Variants in C16orf90 observed in about 807,000 individuals in gnomAD.
The protein encoded by C16orf90 is chromosome 16 open reading frame 90, also known as uncharacterized protein C16orf90.
Under a neutral mutation model 17.1 loss-of-function variants are expected in C16orf90, and 17 were observed. The observed-to-expected ratio is 1.00, with a 90% CI of 0.68 to 1.49. The LOEUF (loss-of-function observed/expected upper bound fraction) is 1.49, where lower values mean the gene tolerates loss of function less well. C16orf90 is among the 40% of genes most tolerant of loss of function. C16orf90 has a pLI of 0.00. For missense variants in C16orf90, 255 were observed against 235.5 expected, an observed-to-expected ratio of 1.08 and a Z score of -0.54; for synonymous variants, 108 against 95.8, an observed-to-expected ratio of 1.13 and a Z score of -0.75.
chr16:3,494,537 G>C lies in C16orf90; in HGVS notation c.387C>G (p.Ser129Arg), dbSNP rs767106319. The C allele has an allele frequency of 8.1e-6, 13 of 1,612,620 alleles. No homozygotes were observed. In the Admixed American group the frequency reaches 2.2e-4, roughly 27 times the overall value. The change falls in exon 2 of 3, where the codon AGC (serine) becomes AGG (arginine). Residue 129 changes from serine (S) to arginine (R), a missense_variant. By Grantham distance (110) the Ser-to-Arg change is moderately radical (BLOSUM62 -1). Coordinates refer to ENST00000437192, the MANE Select transcript of C16orf90 (RefSeq NM_001080524.2). ...ALLEARLPRD[S>R]LGSSASSSSM... ...GACAGAGCTCACCACTGCTTCCCAG[G>C]CTGTCCCTGGGCAATCGGGCTTCCA...
chr16:3,496,574 G>A (rs1166141889), upstream of C16orf90: 8 of 539,342 alleles, frequency 1.5e-5, no homozygotes, highest in Admixed American at 1.2e-4. Context: ...CCTGACTTTC[G>A]ATCAGCTGGC....
At position 3,493,627 on chromosome 16, in the gene C16orf90, C is replaced by T. The variant is rs992920769; in HGVS notation, c.*212G>A. The T allele has an allele frequency of 2.9e-5, 13 of 455,882 alleles. No homozygotes were observed. The highest frequency in any genetic ancestry group is 1.0e-4 in the East Asian group (3 of 30,140). The allele number at this position is 455,882 out of a possible 1,614,324, so 28.2% of individuals were successfully genotyped here. A position where few individuals can be genotyped will look rare whatever the true frequency, so the allele number is the denominator to read the frequency against. ...GGAGTCTAAGCAGGCTGCAAGGGCACGGCCATGCTTCTATTGCTTCTGCCC... is the reference window on the plus strand; with the variant it reads ...GGAGTCTAAGCAGGCTGCAAGGGCATGGCCATGCTTCTATTGCTTCTGCCC... On this transcript the variant is annotated 3_prime_UTR_variant, in exon 3 of 3. Transcript: ENST00000437192.
rs920549998 is a variant in C16orf90 at position 3,493,659 on chromosome 16, C to G, written c.*180G>C. The G allele has an allele frequency of 1.9e-6, 1 of 525,894 alleles. No individual in the cohort carries two copies. The highest frequency in any genetic ancestry group is 3.4e-6 in the Non-Finnish European group (1 of 296,626). The allele number at this position is 525,894 out of a possible 1,614,324, so 32.6% of individuals were successfully genotyped here. ...GCTTCTATTGCTTCTGCCCCTCCCT[C>G]GGAACCTCCTCCTCCTCCCTCTCCC... On this transcript the variant is annotated 3_prime_UTR_variant, in exon 3 of 3. Coordinates refer to ENST00000437192, the MANE Select transcript of C16orf90 (RefSeq NM_001080524.2).
chr16:3,495,008 C>T, intron 1 of C16orf90, 131 bp from the exon 2 acceptor site: 1 of 711,540 alleles, frequency 1.4e-6, no homozygotes. Context: ...CTCAGTTTAC[C>T]TGTGTGTCAA....
At chr16:3,495,318 C>A in intron 1 of C16orf90, 58 bp downstream of exon 1, 1 of 1,561,476 alleles carries the variant, frequency 6.4e-7, no homozygotes, top group East Asian at 2.4e-5. Flanking sequence ...CGGCTTTGGG[C>A]CCAGGTGGGG....
At chr16:3,494,099 G>A (rs2037268806) in intron 2 of C16orf90, 112 bp from the exon 3 acceptor site, 2 of 905,656 alleles carry the variant, frequency 2.2e-6, no homozygotes, top group African/African-American at 1.7e-5. Flanking sequence ...AAAACAGAAG[G>A]GAGGAGGGCA....
intron 2 of C16orf90, 35 bp from the exon 3 acceptor site, chr16:3,494,022 G>C: frequency 6.4e-7 from 1 of 1,574,660 alleles, no homozygotes; most frequent in Non-Finnish European, 8.7e-7. Flanking sequence ...TCACTTGAGG[G>C]ACCCAAGGGG....
chr16:3,496,408 G>C, upstream of C16orf90: 1 of 1,009,284 alleles, frequency 9.9e-7, no homozygotes, highest in Non-Finnish European at 1.5e-6. Flanking sequence ...GGATGATCCG[G>C]AAGATGAAGC....
intron 1 of C16orf90, 42 bp from the exon 2 acceptor site, chr16:3,494,919 A>ATG: frequency 7.2e-7 from 1 of 1,381,490 alleles, no homozygotes; most frequent in Non-Finnish European, 9.7e-7. Context: ...AGCCCCCCAC[A>ATG]GCAGCCATGA....
chr16:3,494,882 A>AGG lies in C16orf90; in HGVS notation c.47-6_47-5insCC, dbSNP rs532363136. The AGG allele has an allele frequency of 7.8e-4, 1,173 of 1,507,134 alleles. 9 individuals carry two copies. The African/African-American group carries it at 0.014, about 18-fold the overall frequency. The allele number at this position is 1,507,134 out of a possible 1,614,324, so 93.4% of individuals were successfully genotyped here. A position where few individuals can be genotyped will look rare whatever the true frequency, so the allele number is the denominator to read the frequency against. Reference sequence around the variant, plus strand: ...CTTGGGCCTGGCTCACTGCATCTGCAGAGGAGACAGCGGGAGGGTGGTGGC... The same window carrying AGG: ...CTTGGGCCTGGCTCACTGCATCTGCAGGGAGGAGACAGCGGGAGGGTGGTGGC... On this transcript the variant is annotated splice_polypyrimidine_tract_variant and splice_region_variant and intron_variant, in intron 1 of 2. Coordinates refer to ENST00000437192, the MANE Select transcript of C16orf90 (RefSeq NM_001080524.2).
At chr16:3,494,167 T>C (rs75765038) in intron 2 of C16orf90, among the ~76,000 whole-genome samples, 180 bp from the exon 3 acceptor site, 3,289 of 152,052 alleles carry the variant, frequency 0.022, 77 homozygotes, top group African/African-American at 0.052. Flanking sequence ...AACAGAATGG[T>C]TCAAGCTGGA....
At chr16:3,495,537 C>A (rs1356357199), upstream of C16orf90, 1 of 1,521,404 alleles carries the variant, frequency 6.6e-7, no homozygotes, top group African/African-American at 1.4e-5. Context: ...CTTATGACAT[C>A]ACGGGGAAGA....
At position 3,493,742 on chromosome 16, in the gene C16orf90, T is replaced by G; in HGVS notation, c.*97A>C. The G allele has an allele frequency of 3.9e-6, 5 of 1,272,954 alleles. No homozygotes were observed. Among genetic ancestry groups the G allele is most frequent in the Non-Finnish European group, 5.4e-6 (5 of 933,298 alleles). The allele number at this position is 1,272,954 out of a possible 1,614,324, so 78.9% of individuals were successfully genotyped here. A position where few individuals can be genotyped will look rare whatever the true frequency, so the allele number is the denominator to read the frequency against. On this transcript the variant is annotated 3_prime_UTR_variant, in exon 3 of 3. Transcript: ENST00000437192. The stretch of plus-strand genomic sequence containing the variant: ...CTGGGCCGCTGCCTGGGCCACCCCA[T>G]GTGGCAGGGCCACTGCCGGGGGCCG...
Position 3,493,899 on chromosome 16 carries a change from C to T in C16orf90, c.489G>A (p.Trp163Ter), listed in dbSNP as rs1161770583. The part of the protein sequence containing the change: ...RLRPKRSWGT[W>*]EEAMCPLCKR... ...TGCACAAGGGACACATGGCCTCTTC[C>T]CAGGTCCCCCAGGACCTCTTGGGCC... is the stretch of plus-strand genomic sequence containing the variant. The change falls in exon 3 of 3, where the codon TGG becomes TGA. Residue 163 changes from tryptophan (W) to a stop codon, truncating the protein, a stop_gained. Coordinates refer to ENST00000437192, the MANE Select transcript of C16orf90 (RefSeq NM_001080524.2). LOFTEE classifies it high-confidence loss of function. The T allele has an allele frequency of 6.2e-7, 1 of 1,608,092 alleles. No homozygotes were observed. The highest frequency in any genetic ancestry group is 8.5e-7 in the Non-Finnish European group (1 of 1,177,382).
At chr16:3,495,060 C>T (rs1414449299) in intron 1 of C16orf90, among the ~76,000 whole-genome samples, 183 bp from the exon 2 acceptor site, 1 of 152,124 alleles carries the variant, frequency 6.6e-6, no homozygotes, top group Non-Finnish European at 1.5e-5. Context: ...GCCCAAGACA[C>T]GACTCCTCTT....
upstream of C16orf90, chr16:3,496,601 G>A (rs2037314026): frequency 5.6e-6 from 3 of 532,216 alleles, no homozygotes; most frequent in Non-Finnish European, 1.1e-5. Context: ...CTCCCTCAAG[G>A]ACGGCGGCCC....
rs762958884 is a variant in C16orf90, at chr16:3,494,723, G to C, written c.201C>G (p.Leu67=). 11 of 1,608,214 alleles carry C rather than the reference G, an allele frequency of 6.8e-6. No individual in the cohort carries two copies. The highest frequency in any genetic ancestry group is 6.8e-6 in the Non-Finnish European group (8 of 1,178,618). Residue 67 remains leucine (L), a synonymous_variant, in exon 2 of 3, where the codon CTC becomes CTG. Transcript: ENST00000437192. The part of the protein sequence containing the change: ...FRLRHLRGLG[L]YLESHPPPTG... Reference sequence around the variant, plus strand: ...TGGGTGGCGGGTGGCTCTCCAGGTAGAGGCCCAGGCCCCGGAGGTGGCGCA... The same window carrying C: ...TGGGTGGCGGGTGGCTCTCCAGGTACAGGCCCAGGCCCCGGAGGTGGCGCA...
chr16:3,494,997 C>T, intron 1 of C16orf90, 120 bp from the exon 2 acceptor site: 2 of 741,600 alleles, frequency 2.7e-6, no homozygotes. Context: ...GCCAACCTGG[C>T]CTCAGTTTAC....
At chr16:3,495,595 G>A, upstream of C16orf90, 1 of 1,363,186 alleles carries the variant, frequency 7.3e-7, no homozygotes, top group South Asian at 1.5e-5. Context: ...AGTGCCCAAG[G>A]CAAGGGCAGG....
Sources: gnomAD v4.1 joint callset for allele counts (sites outside exome capture counted in the v4.1 genomes callset) on GRCh38, gnomAD v4.1.1 for gene constraint, MANE v1.5 for transcripts, NCBI Gene and HGNC (gene_info 2026-07-23, HGNC 2026-07-21) for gene names.